RHEX: variants seen among roughly 807,000 people sequenced by gnomAD.
The protein encoded by RHEX is regulator of hemoglobinization and erythroid cell expansion protein.
A neutral mutation model predicts 20.1 loss-of-function variants in RHEX; 18 were observed. The observed-to-expected ratio is 0.90, with a 90% CI of 0.62 to 1.33. The LOEUF is 1.33. Ranked by LOEUF, RHEX falls within the 40% of genes most tolerant of loss-of-function variation. The probability of loss-of-function intolerance (pLI) is 0.00; values close to 1 mark genes in which losing one functional copy is unlikely to be tolerated. For synonymous variants in RHEX, 87 were observed against 77.1 expected, an observed-to-expected ratio of 1.13 and a Z score of -0.67; for missense variants, 192 against 214.3, an observed-to-expected ratio of 0.90 and a Z score of 0.65.
chr1:206,096,595 C>G (rs1663072260), intron 1 of RHEX, among the ~76,000 whole-genome samples: 1 of 152,160 alleles, frequency 6.6e-6, no homozygotes, highest in Non-Finnish European at 1.5e-5. Flanking sequence ...GGGGCTTATC[C>G]AAAATTAGAC....
rs1662457163 is a variant in RHEX, at chr1:206,067,799, C to T, written c.-97+14534C>T. Among the ~76,000 whole-genome samples, 2 of 152,334 alleles carry T rather than the reference C, an allele frequency of 1.3e-5. No homozygotes were observed. Among genetic ancestry groups the T allele is most frequent in the South Asian group, 4.1e-4 (2 of 4,828 alleles). On this transcript the variant is annotated intron_variant, in intron 1 of 5. Transcript: ENST00000331555. The surrounding 1 kb of genome is among the most constrained non-coding windows in gnomAD (Gnocchi z 4.6). ...TGCCGTGCTGCCCATTGCCTCCTTG[C>T]AACATATTCTCCCTGTAATGAGCTT...
intron 1 of RHEX, among the ~76,000 whole-genome samples, chr1:206,063,300 C>T (rs1331059841): frequency 6.6e-6 from 1 of 152,066 alleles, no homozygotes; most frequent in African/African-American, 2.4e-5. Flanking sequence ...CAGGGTTCTT[C>T]ACTATTAGGA....
At chr1:206,079,944 G>A (rs1662705487) in intron 1 of RHEX, among the ~76,000 whole-genome samples, 1 of 152,222 alleles carries the variant, frequency 6.6e-6, no homozygotes, top group African/African-American at 2.4e-5. Context: ...TGAAAGCCTG[G>A]TAGAGTGTGA....
At chr1:206,059,378 G>A (rs1662260999) in intron 1 of RHEX, among the ~76,000 whole-genome samples, 1 of 152,156 alleles carries the variant, frequency 6.6e-6, no homozygotes, top group East Asian at 1.9e-4. Context: ...TCTGGCCTTG[G>A]TGCCCCTAAA....
At chr1:206,053,541 C>T (rs1553282091) in intron 1 of RHEX, among the ~76,000 whole-genome samples, 1 of 151,942 alleles carries the variant, frequency 6.6e-6, no homozygotes, top group Non-Finnish European at 1.5e-5. Context: ...GGTGTTTTGT[C>T]TCGAAGAAGC....
At chr1:206,064,021 G>A (rs1243469947) in intron 1 of RHEX, among the ~76,000 whole-genome samples, 1 of 150,718 alleles carries the variant, frequency 6.6e-6, no homozygotes, top group Non-Finnish European at 1.5e-5. Flanking sequence ...CGTCTGAGAT[G>A]TGGGGAGCGC....
chr1:206,066,359 G>A (rs1291065033), intron 1 of RHEX, among the ~76,000 whole-genome samples: 1 of 152,356 alleles, frequency 6.6e-6, no homozygotes, highest in East Asian at 1.9e-4. Flanking sequence ...GCTCACGCCT[G>A]TAATCCCAGC....
chr1:206,088,312 A>G (rs1165715536), intron 1 of RHEX, among the ~76,000 whole-genome samples: 3 of 152,216 alleles, frequency 2.0e-5, no homozygotes, highest in African/African-American at 7.2e-5. Context: ...AGTGCATTTA[A>G]ATAACATCCT....
At chr1:206,075,961 A>T (rs1195841611) in intron 1 of RHEX, among the ~76,000 whole-genome samples, 1 of 152,150 alleles carries the variant, frequency 6.6e-6, no homozygotes, top group Non-Finnish European at 1.5e-5. Context: ...CCAGAAAGAC[A>T]CTGACTACAG....
At chr1:206,091,935 G>A (rs1662958795) in intron 1 of RHEX, among the ~76,000 whole-genome samples, 1 of 152,084 alleles carries the variant, frequency 6.6e-6, no homozygotes, top group Non-Finnish European at 1.5e-5. Context: ...ATAATTATGT[G>A]TTCCTTAAAA....
chr1:206,057,099 C>T (rs1407497209), intron 1 of RHEX, among the ~76,000 whole-genome samples: 4 of 152,232 alleles, frequency 2.6e-5, no homozygotes, highest in East Asian at 3.8e-4. Flanking sequence ...GGTTCAAAAA[C>T]GTTCTCCAGA....
chr1:206,064,374 G>A (rs1277455060), intron 1 of RHEX, among the ~76,000 whole-genome samples: 11 of 134,220 alleles, frequency 8.2e-5, no homozygotes, highest in Non-Finnish European at 1.6e-4. Flanking sequence ...CAGCTGCCCC[G>A]TCCGGGAGGG....
chr1:206,086,073 A>G (rs1469276893), intron 1 of RHEX, among the ~76,000 whole-genome samples: 1 of 152,144 alleles, frequency 6.6e-6, no homozygotes, highest in East Asian at 1.9e-4. Flanking sequence ...CCCTTTCCTC[A>G]GCCTGGCGTT....
rs879986336 is a variant in RHEX, at chr1:206,076,446, A to T, written c.-96-21287A>T. Among the ~76,000 whole-genome samples, 4 of 152,378 alleles carry T rather than the reference A, an allele frequency of 2.6e-5. No homozygotes were observed. The East Asian group carries it at 7.7e-4, about 29-fold the overall frequency. Reference sequence around the variant, plus strand: ...CTCCCAAAGTGCTGGGATTACAGGCATAAGCCACTGCACCCAGCCCAGGGA... The same window carrying T: ...CTCCCAAAGTGCTGGGATTACAGGCTTAAGCCACTGCACCCAGCCCAGGGA... On this transcript the variant is annotated intron_variant, in intron 1 of 5. Coordinates refer to ENST00000331555, the MANE Select transcript of RHEX (RefSeq NM_001007544.4).
chr1:206,069,554 G>A (rs1662489764), intron 1 of RHEX, among the ~76,000 whole-genome samples: 1 of 152,210 alleles, frequency 6.6e-6, no homozygotes, highest in Non-Finnish European at 1.5e-5. Flanking sequence ...GCCTGGGACT[G>A]TCCTAGTTTT....
At chr1:206,063,256 G>T (rs1553283612) in intron 1 of RHEX, among the ~76,000 whole-genome samples, 1 of 152,208 alleles carries the variant, frequency 6.6e-6, no homozygotes. Context: ...GAACTGGGGG[G>T]TTGCAAGGAT....
At chr1:206,064,263 G>A (rs1489928293) in intron 1 of RHEX, among the ~76,000 whole-genome samples, 1 of 140,226 alleles carries the variant, frequency 7.1e-6, no homozygotes, top group Non-Finnish European at 1.5e-5. Flanking sequence ...AGGGAGGTGG[G>A]GGGGGTCAGC....
intron 1 of RHEX, among the ~76,000 whole-genome samples, chr1:206,086,834 TC>T (rs1457728474): frequency 6.6e-6 from 1 of 151,352 alleles, no homozygotes; most frequent in Non-Finnish European, 1.5e-5. Flanking sequence ...CATGGCAAGA[TC>T]CTGTCTCTCA....
intron 1 of RHEX, among the ~76,000 whole-genome samples, chr1:206,072,660 T>C (rs1002946067): frequency 2.0e-5 from 3 of 152,148 alleles, no homozygotes; most frequent in Non-Finnish European, 4.4e-5. Context: ...TTTCTGGGCA[T>C]AGATATTAAA....
Sources: gnomAD v4.1 joint callset for allele counts (sites outside exome capture counted in the v4.1 genomes callset) on GRCh38, gnomAD v4.1.1 for gene constraint, Gnocchi (gnomAD v3.1) non-coding constraint, MANE v1.5 for transcripts, NCBI Gene and HGNC (gene_info 2026-07-23, HGNC 2026-07-21) for gene names.